OXR1: variants seen among roughly 807,000 people sequenced by gnomAD.
OXR1 encodes oxidation resistance protein 1.
Under a neutral mutation model 104.6 loss-of-function variants are expected in OXR1, and 41 were observed. The ratio of observed to expected loss-of-function variants is 0.39; its 90% CI spans 0.31 to 0.51. The LOEUF (loss-of-function observed/expected upper bound fraction) is 0.51, where lower values mean the gene tolerates loss of function less well. OXR1 is among the 20% of genes least tolerant of loss of function. The pLI is 0.77. For missense variants in OXR1, 955 were observed against 1,031.9 expected (o/e 0.93, Z 1.02); for synonymous variants, 348 against 348.4 (o/e 1.00, Z 0.01).
At chr8:106,564,229 C>A (rs1006619657) in intron 3 of OXR1, among the ~76,000 whole-genome samples, 11 of 152,046 alleles carry the variant, frequency 7.2e-5, no homozygotes, top group Non-Finnish European at 1.5e-4. Context: ...AATTGATAGA[C>A]CGCTAGCCAT....
intron 2 of OXR1, among the ~76,000 whole-genome samples, chr8:106,433,781 G>C (rs535158161): frequency 6.6e-6 from 1 of 152,182 alleles, no homozygotes; most frequent in African/African-American, 2.4e-5. Flanking sequence ...ACAGTTTATT[G>C]ATCCATTTCA....
At chr8:106,404,456 G>A (rs1818131754) in intron 2 of OXR1, among the ~76,000 whole-genome samples, 1 of 152,164 alleles carries the variant, frequency 6.6e-6, no homozygotes, top group African/African-American at 2.4e-5. Context: ...CCAGCTGCAA[G>A]ATGAGATTCT....
chr8:106,443,657 T>C (rs1819886793), intron 2 of OXR1, among the ~76,000 whole-genome samples: 1 of 152,204 alleles, frequency 6.6e-6, no homozygotes, highest in Admixed American at 6.6e-5. Context: ...TTTACCATGT[T>C]ATAATGCCCT....
intron 11 of OXR1, among the ~76,000 whole-genome samples, chr8:106,732,697 C>T (rs1049044481): frequency 1.3e-5 from 2 of 152,082 alleles, no homozygotes; most frequent in Admixed American, 6.6e-5. Flanking sequence ...ATTTTCAAGG[C>T]TGTACCAGTC....
intron 2 of OXR1, among the ~76,000 whole-genome samples, chr8:106,509,790 T>G (rs983338263): frequency 1.3e-5 from 2 of 152,194 alleles, no homozygotes; most frequent in Non-Finnish European, 1.5e-5. Context: ...ATTTTTTCTT[T>G]AATCAGAGTC....
intron 2 of OXR1, among the ~76,000 whole-genome samples, chr8:106,419,589 C>T (rs143576312): frequency 8.3e-4 from 126 of 152,232 alleles, no homozygotes; most frequent in African/African-American, 2.8e-3. Context: ...GGGCTGCGGA[C>T]GGCCTCCCAA....
chr8:106,361,790 T>A (rs1301917853), intron 2 of OXR1, among the ~76,000 whole-genome samples: 3 of 152,088 alleles, frequency 2.0e-5, no homozygotes, highest in Non-Finnish European at 4.4e-5. Context: ...AACAAAGACA[T>A]GAAAATATTG....
At chr8:106,696,714 T>C (rs926690487) in intron 7 of OXR1, among the ~76,000 whole-genome samples, 2 of 152,132 alleles carry the variant, frequency 1.3e-5, no homozygotes, top group Non-Finnish European at 2.9e-5. Flanking sequence ...TGGCATATTA[T>C]ATTAAGCGTC....
intron 2 of OXR1, among the ~76,000 whole-genome samples, chr8:106,481,593 A>G (rs1822120008): frequency 6.6e-6 from 1 of 152,088 alleles, no homozygotes; most frequent in Non-Finnish European, 1.5e-5. Context: ...GTAAATTATT[A>G]AAATGAGCTA....
rs1240896406 is a variant in OXR1, at chr8:106,580,076, G to A, written c.220+60937G>A. The stretch of plus-strand genomic sequence containing the variant: ...TAAATGCACAGAACTATAGGCATGA[G>A]AATAATTTCAACAAGTATCCTTTAA... On this transcript the variant is annotated intron_variant, in intron 3 of 16. Transcript: ENST00000517566. Among the ~76,000 whole-genome samples, 4 of 152,302 alleles carry A rather than the reference G, an allele frequency of 2.6e-5. No homozygotes were observed. In the East Asian group the frequency reaches 7.7e-4, roughly 29 times the overall value.
At chr8:106,583,088 G>A (rs889320960) in intron 3 of OXR1, among the ~76,000 whole-genome samples, 1 of 152,124 alleles carries the variant, frequency 6.6e-6, no homozygotes, top group African/African-American at 2.4e-5. Flanking sequence ...AATTATTTGT[G>A]TCTAAATATA....
intron 1 of OXR1, among the ~76,000 whole-genome samples, chr8:106,323,365 T>G (rs1007782793): frequency 6.6e-6 from 1 of 152,066 alleles, no homozygotes; most frequent in Non-Finnish European, 1.5e-5. Context: ...TATACAAAAG[T>G]CAATTCAAGT....
intron 2 of OXR1, among the ~76,000 whole-genome samples, chr8:106,458,956 T>C (rs538221839): frequency 3.9e-5 from 6 of 152,276 alleles, no homozygotes; most frequent in African/African-American, 1.2e-4. Context: ...AAGGATGAAT[T>C]ATGCCTTGAG....
At chr8:106,587,457 A>G (rs556039630) in intron 3 of OXR1, among the ~76,000 whole-genome samples, 3 of 152,368 alleles carry the variant, frequency 2.0e-5, no homozygotes, top group African/African-American at 7.2e-5. Context: ...CTTGAAGCTC[A>G]CACTCATAAA....
chr8:106,630,850 G>T (rs1301906413), intron 3 of OXR1, among the ~76,000 whole-genome samples: 1 of 152,120 alleles, frequency 6.6e-6, no homozygotes, highest in Non-Finnish European at 1.5e-5. Flanking sequence ...TAGTTCTAGG[G>T]CTCAGTGGCT....
intron 1 of OXR1, among the ~76,000 whole-genome samples, chr8:106,341,971 GCTCAAGCAATCTTCCTGCCTCAGC>G (rs1231457007): frequency 6.6e-6 from 1 of 150,868 alleles, no homozygotes. Context: ...GAACTCCTGG[GCTCAAGCAATCTTCCTGCCTCAGC>G]CTCCAGAGTA....
chr8:106,727,492 C>T (rs1028652467), intron 11 of OXR1, among the ~76,000 whole-genome samples: 3 of 152,098 alleles, frequency 2.0e-5, no homozygotes, highest in African/African-American at 7.2e-5. Context: ...GATTTTGGCT[C>T]ACTTCAACCT....
At chr8:106,378,805 G>A (rs1025162648) in intron 2 of OXR1, among the ~76,000 whole-genome samples, 6 of 152,098 alleles carry the variant, frequency 3.9e-5, no homozygotes, top group Non-Finnish European at 5.9e-5. Context: ...CACCATGCCC[G>A]GCCTGATGTC....
chr8:106,667,709 C>A lies in OXR1; in HGVS notation c.221-11501C>A, dbSNP rs537205973. On this transcript the variant is annotated intron_variant, in intron 3 of 16. Coordinates refer to ENST00000517566, the MANE Select transcript of OXR1 (RefSeq NM_001198533.2). ...ATACGAAATTAATTTTTAAAATAAA[C>A]CTGATATATACTATATATAAATAAG... 2.0e-5 allele frequency among the ~76,000 whole-genome samples: 3 copies of A among 152,086 alleles called. No homozygotes were observed. The East Asian group carries it at 5.8e-4, about 29-fold the overall frequency.
Sources: allele counts gnomAD v4.1 joint callset (sites outside exome capture counted in the v4.1 genomes callset), GRCh38; gene constraint gnomAD v4.1.1; transcripts MANE v1.5; gene names NCBI Gene and HGNC (gene_info 2026-07-23, HGNC 2026-07-21).